The following NR1I2 variants were observed in gnomAD, a reference collection of about 807,000 sequenced individuals.
The protein encoded by NR1I2 is nuclear receptor subfamily 1 group I member 2, also known as orphan nuclear receptor PAR1.
A neutral mutation model predicts 43.3 loss-of-function variants in NR1I2; 42 were observed. That is an observed-to-expected ratio of 0.97 (90% CI 0.76 to 1.26). The LOEUF (loss-of-function observed/expected upper bound fraction) is 1.26, where lower values mean the gene tolerates loss of function less well. Ranked by LOEUF, NR1I2 falls within the 50% of genes most tolerant of loss-of-function variation. NR1I2 has a pLI of 0.00. For missense variants in NR1I2, 559 were observed against 566.7 expected, an observed-to-expected ratio of 0.99 and a Z score of 0.14; for synonymous variants, 229 against 215.0, an observed-to-expected ratio of 1.06 and a Z score of -0.57.
At chr3:119,799,241 A>G (rs1193081860) in intron 1 of NR1I2, among the ~76,000 whole-genome samples, 1 of 152,116 alleles carries the variant, frequency 6.6e-6, no homozygotes, top group Admixed American at 6.5e-5. Flanking sequence ...GTATTGTAAG[A>G]TGTATTTCTT....
At position 119,811,522 on chromosome 3, in the gene NR1I2, C is replaced by T. The variant is rs2055240807; in HGVS notation, c.332-17C>T. ...CCAGGGGCACGTGTGCCTGAGCCAG[C>T]CTCACTGTCCCTGCAGTGATCATGT... On this transcript the variant is annotated splice_polypyrimidine_tract_variant and intron_variant, in intron 3 of 8. Transcript: ENST00000393716. 1 of 1,599,292 alleles carries T rather than the reference C, an allele frequency of 6.3e-7. No homozygotes were observed. The highest frequency in any genetic ancestry group is 1.3e-5 in the African/African-American group (1 of 74,636).
At chr3:119,816,265 C>G (rs560245278) in intron 8 of NR1I2, among the ~76,000 whole-genome samples, 8 of 152,306 alleles carry the variant, frequency 5.3e-5, no homozygotes, top group Admixed American at 2.6e-4. Context: ...TTTATTTGCT[C>G]AACCCTTCCT....
intron 1 of NR1I2, among the ~76,000 whole-genome samples, chr3:119,805,174 G>C (rs2055134386): frequency 6.6e-6 from 1 of 152,012 alleles, no homozygotes. Flanking sequence ...CTCTCGTACT[G>C]TTTATTTAAA....
chr3:119,800,992 A>T (rs1438944552), intron 1 of NR1I2, among the ~76,000 whole-genome samples: 1 of 152,218 alleles, frequency 6.6e-6, no homozygotes, highest in Admixed American at 6.5e-5. Flanking sequence ...AGTCAGACTG[A>T]CATGGGTTGA....
At chr3:119,792,118 C>T in intron 1 of NR1I2, 1 of 781,864 alleles carries the variant, frequency 1.3e-6, no homozygotes. Context: ...GGGCCTGTCA[C>T]TAGCCAGCTT....
chr3:119,809,257 C>A (rs1440103613), intron 2 of NR1I2, among the ~76,000 whole-genome samples: 2 of 152,100 alleles, frequency 1.3e-5, no homozygotes, highest in African/African-American at 2.4e-5. Flanking sequence ...TTTTGTGGGA[C>A]AGGCAGGACT....
Position 119,818,169 on chromosome 3 carries a change from T to C in NR1I2, c.*957T>C. ...GTAGGTAGGTCTGTTTGCCACTTGA[T>C]GGGGCCTGGGTTTGTTCCTGGGGCT... On this transcript the variant is annotated 3_prime_UTR_variant, in exon 9 of 9. Transcript: ENST00000393716. 1 of 985,736 alleles carries C rather than the reference T, an allele frequency of 1.0e-6. No individual in the cohort carries two copies. Among genetic ancestry groups the C allele is most frequent in the Non-Finnish European group, 1.2e-6 (1 of 830,048 alleles). The allele number at this position is 985,736 out of a possible 1,614,324, so 61.1% of individuals were successfully genotyped here.
intron 1 of NR1I2, chr3:119,791,933 CT>C (rs2054924473): frequency 1.5e-6 from 1 of 662,554 alleles, no homozygotes; most frequent in East Asian, 3.1e-5. Context: ...GAACTGTCAT[CT>C]TTGACCGATT....
chr3:119,787,732 GTAGGAT>G lies in NR1I2; in HGVS notation c.-23+5433_-23+5438del, dbSNP rs1229537792. Among the ~76,000 whole-genome samples the G allele has an allele frequency of 1.6e-4, 10 of 61,622 alleles. 1 individual carries two copies. The East Asian group carries it at 0.12, about 711-fold the overall frequency. The allele number at this position is 61,622 out of a possible 152,430, so 40.4% of individuals were successfully genotyped here. On this transcript the variant is annotated intron_variant, in intron 1 of 8. Coordinates refer to ENST00000393716, the MANE Select transcript of NR1I2 (RefSeq NM_003889.4). ...GGTGTGTATGTGTATCTTGGAGATA[GTAGGAT>G]GATTATATATATATTTAATTATGCG...
At chr3:119,815,223 C>G in intron 6 of NR1I2, 100 bp from the exon 7 acceptor site, 1 of 1,582,018 alleles carries the variant, frequency 6.3e-7, no homozygotes, top group Non-Finnish European at 8.7e-7. Context: ...GATGGCAGGG[C>G]AGGAAGATGG....
intron 1 of NR1I2, among the ~76,000 whole-genome samples, chr3:119,801,859 G>T (rs2055085983): frequency 6.6e-6 from 1 of 152,152 alleles, no homozygotes; most frequent in Admixed American, 6.5e-5. Flanking sequence ...TGGGGTGGCT[G>T]GTCCTGTCTC....
At chr3:119,812,515 G>C (rs972149526) in intron 4 of NR1I2, among the ~76,000 whole-genome samples, 171 bp from the exon 5 acceptor site, 2 of 152,230 alleles carry the variant, frequency 1.3e-5, no homozygotes, top group African/African-American at 4.8e-5. Flanking sequence ...CAAATGCTGT[G>C]TGTGTATATG....
chr3:119,805,991 T>A (rs1352728940), intron 1 of NR1I2, among the ~76,000 whole-genome samples: 1 of 152,138 alleles, frequency 6.6e-6, no homozygotes, highest in Middle Eastern at 3.2e-3. Context: ...ACAGATTAAT[T>A]CCTTATTTAC....
intron 8 of NR1I2, among the ~76,000 whole-genome samples, chr3:119,816,550 G>A (rs539529073): frequency 1.3e-5 from 2 of 152,282 alleles, no homozygotes; most frequent in African/African-American, 2.4e-5. Flanking sequence ...GCTGGGTGTC[G>A]TGGCTCACAC....
At chr3:119,809,982 G>A (rs2055214340) in intron 2 of NR1I2, 79 bp from the exon 3 acceptor site, 2 of 1,582,596 alleles carry the variant, frequency 1.3e-6, no homozygotes, top group South Asian at 1.1e-5. Context: ...GCTGGGGAGG[G>A]AGGTGGTATG....
chr3:119,808,435 A>G lies in NR1I2; in HGVS notation c.197+988A>G, dbSNP rs2055191681. 1.3e-5 allele frequency among the ~76,000 whole-genome samples: 2 copies of G among 152,232 alleles called. 1 individual carries two copies. Among genetic ancestry groups the G allele is most frequent in the South Asian group, 4.1e-4 (2 of 4,830 alleles). On this transcript the variant is annotated intron_variant, in intron 2 of 8. Transcript: ENST00000393716. The stretch of plus-strand genomic sequence containing the variant: ...GGCCCAGCCTATGCCTGAACTAGTC[A>G]CTAGCAAAGAGCAGCAGGTATGTCC...
Position 119,817,079 on chromosome 3 carries a change from T to C in NR1I2, c.1172T>C (p.Leu391Pro). 1 of 1,614,204 alleles carries C rather than the reference T, an allele frequency of 6.2e-7. No homozygotes were observed. Among genetic ancestry groups the C allele is most frequent in the South Asian group, 1.1e-5 (1 of 91,088 alleles). Residue 391 changes from leucine to proline, a missense_variant, in exon 9 of 9, where the codon CTG becomes CCG. By Grantham distance (98) the Leu-to-Pro change is moderately conservative. Around this residue, in one of 3 missense-constraint regions of NR1I2, gnomAD observed 323 missense variants for 312.2 expected, o/e 1.03. Coordinates refer to ENST00000393716, the MANE Select transcript of NR1I2 (RefSeq NM_003889.4). ...TGGCTGGCATGCAGGTTCTTGTTCC[T>C]GAAGATCATGGCTATGCTCACCGAG...
chr3:119,810,272 C>G (rs1577283635), intron 3 of NR1I2, 78 bp downstream of exon 3: 1 of 1,520,180 alleles, frequency 6.6e-7, no homozygotes, highest in Non-Finnish European at 8.9e-7. Context: ...TGTGGGCATG[C>G]TTGTGTGGAG....
At chr3:119,801,048 C>T (rs2055072653) in intron 1 of NR1I2, among the ~76,000 whole-genome samples, 1 of 152,218 alleles carries the variant, frequency 6.6e-6, no homozygotes, top group African/African-American at 2.4e-5. Flanking sequence ...CAATGAATCA[C>T]TCACCTGAAG....
Sources: allele counts gnomAD v4.1 joint callset (sites outside exome capture counted in the v4.1 genomes callset), GRCh38; gene constraint gnomAD v4.1.1; regional missense constraint gnomAD v4.1.1; transcripts MANE v1.5; gene names NCBI Gene and HGNC (gene_info 2026-07-23, HGNC 2026-07-21).